SLC6A12: variants seen among roughly 807,000 people sequenced by gnomAD.
The protein encoded by SLC6A12 is solute carrier family 6 member 12.
In SLC6A12, 50 loss-of-function variants were observed where a neutral mutation model predicts 73.3. That is an observed-to-expected ratio of 0.68 (90% CI 0.54 to 0.86). The LOEUF (loss-of-function observed/expected upper bound fraction) is 0.86, where lower values mean the gene tolerates loss of function less well. Among genes scored for constraint, SLC6A12 ranks in the 40% least tolerant of loss-of-function variants. SLC6A12 has a pLI of 0.00. For missense variants in SLC6A12, 648 were observed against 772.8 expected, an observed-to-expected ratio of 0.84 and a Z score of 1.92; for synonymous variants, 304 against 309.2, an observed-to-expected ratio of 0.98 and a Z score of 0.18.
downstream of SLC6A12, among the ~76,000 whole-genome samples, chr12:186,917 C>G (rs1240733752): frequency 6.6e-6 from 1 of 152,168 alleles, no homozygotes; most frequent in Non-Finnish European, 1.5e-5. Context: ...TCTGAGGCAC[C>G]AGGACCCCCA....
In SLC6A12 at chr12:204,637, C is replaced by T; in HGVS notation, c.276G>A (p.Leu92=). ...TGGTGTATTGGCCCAACGCCACCTC[C>T]AGGAAGAACACCGGGATGCCGCAGA... The part of the protein sequence containing the change: ...FFVCGIPVFF[L]EVALGQYTSQ... The change falls in exon 4 of 16, where the codon CTG becomes CTA. Residue 92 remains leucine, a synonymous_variant. Transcript: ENST00000684302. 6.2e-7 allele frequency: 1 copy of T among 1,614,232 alleles called. No homozygotes were observed. Among genetic ancestry groups the T allele is most frequent in the Non-Finnish European group, 8.5e-7 (1 of 1,180,032 alleles).
At position 204,710 on chromosome 12, in the gene SLC6A12, A is replaced by G; in HGVS notation, c.215-12T>C. Reference sequence around the variant, plus strand: ...GATGAAGAAGGCTCCTGCAGAAGAGAGAGAGGCAGGGCTGAGCCACACCCG... The same window carrying G: ...GATGAAGAAGGCTCCTGCAGAAGAGGGAGAGGCAGGGCTGAGCCACACCCG... On this transcript the variant is annotated splice_polypyrimidine_tract_variant and intron_variant, in intron 3 of 15. Transcript: ENST00000684302. 1 of 1,613,816 alleles carries G rather than the reference A, an allele frequency of 6.2e-7. No individual in the cohort carries two copies. The highest frequency in any genetic ancestry group is 1.1e-5 in the South Asian group (1 of 91,066).
downstream of SLC6A12, among the ~76,000 whole-genome samples, chr12:187,809 G>A (rs200123998): frequency 6.6e-6 from 1 of 151,950 alleles, no homozygotes; most frequent in Non-Finnish European, 1.5e-5. Context: ...GTTTTGACAG[G>A]GTTTTGATTG....
chr12:203,488 G>GA (rs1940420508), intron 4 of SLC6A12: 1 of 152,160 alleles, frequency 6.6e-6, no homozygotes, highest in African/African-American at 2.4e-5. Context: ...CGGCGTTGGG[G>GA]CGGCCCGGGC....
At chr12:206,058 C>G (rs1459621220) in intron 3 of SLC6A12, among the ~76,000 whole-genome samples, 1 of 152,102 alleles carries the variant, frequency 6.6e-6, no homozygotes, top group Non-Finnish European at 1.5e-5. Flanking sequence ...CTTTTTTTCT[C>G]TTTGTGTGTG....
intron 4 of SLC6A12, 21 bp from the exon 5 acceptor site, chr12:202,901 T>C (rs368808966): frequency 1.7e-4 from 266 of 1,612,014 alleles, no homozygotes; most frequent in Middle Eastern, 5.0e-4. Flanking sequence ...GGGGGAGAGA[T>C]GGGGAGGGAC....
downstream of SLC6A12, among the ~76,000 whole-genome samples, chr12:187,580 G>C (rs1171573357): frequency 1.2e-5 from 1 of 86,438 alleles, no homozygotes; most frequent in African/African-American, 5.7e-5. Flanking sequence ...AAGATTTACT[G>C]CAAAAGAGCA....
chr12:197,174 C>CATCCATCCATCTATCCATCCATCT (rs1939948363), intron 10 of SLC6A12, among the ~76,000 whole-genome samples: 11 of 12,070 alleles, frequency 9.1e-4, no homozygotes, highest in South Asian at 3.1e-3. Context: ...TCCATCCATC[C>CATCCATCCATCTATCCATCCATCT]ATCCATCCAT....
chr12:190,457 G>A lies in SLC6A12; in HGVS notation c.*611C>T, dbSNP rs1939544100. ...CCCCTTCCATTCCAATGCTCCAGGA[G>A]TTGATGAAACACTGCAAGAACAGTG... On this transcript the variant is annotated 3_prime_UTR_variant, in exon 16 of 16. Coordinates refer to ENST00000684302, the MANE Select transcript of SLC6A12 (RefSeq NM_001122848.3). 1 of 152,270 alleles carries A rather than the reference G, an allele frequency of 6.6e-6. No individual in the cohort carries two copies. Among genetic ancestry groups the A allele is most frequent in the South Asian group, 2.1e-4 (1 of 4,832 alleles). The allele number at this position is 152,270 out of a possible 1,614,324, so 9.4% of individuals were successfully genotyped here.
At chr12:187,888 G>A (rs1024895344), downstream of SLC6A12, among the ~76,000 whole-genome samples, 2 of 152,172 alleles carry the variant, frequency 1.3e-5, no homozygotes, top group Admixed American at 1.3e-4. Context: ...TAGATACAGA[G>A]TGTGGATTGG....
chr12:199,200 C>T (rs1045149279), intron 7 of SLC6A12: 20 of 500,262 alleles, frequency 4.0e-5, no homozygotes, highest in African/African-American at 2.7e-4. Context: ...GCTTCCAGCC[C>T]ATAACCTGTC....
At chr12:191,506 GAAT>G (rs1376847041) in intron 15 of SLC6A12, among the ~76,000 whole-genome samples, 1 of 152,226 alleles carries the variant, frequency 6.6e-6, no homozygotes, top group Non-Finnish European at 1.5e-5. Context: ...TGTAAATTGA[GAAT>G]AATAGTAGAA....
In SLC6A12 at chr12:204,699, C is replaced by T; in HGVS notation, c.215-1G>A. On this transcript the variant is annotated splice_acceptor_variant, in intron 3 of 15. Transcript: ENST00000684302. LOFTEE classifies it high-confidence loss of function. ...ATGAAGTAGGGGATGAAGAAGGCTC[C>T]TGCAGAAGAGAGAGAGGCAGGGCTG... The T allele has an allele frequency of 1.9e-6, 3 of 1,613,976 alleles. No homozygotes were observed. Among genetic ancestry groups the T allele is most frequent in the Non-Finnish European group, 2.5e-6 (3 of 1,179,998 alleles).
At position 209,836 on chromosome 12, in the gene SLC6A12, C is replaced by G. The variant is rs140649589; in HGVS notation, c.151G>C (p.Gly51Arg). Reference sequence around the variant, plus strand: ...ACATTGCCCAGCCCAATGATCTCCCCGGCCACTGACAGCACAAACTCCATC... The same window carrying G: ...ACATTGCCCAGCCCAATGATCTCCCGGGCCACTGACAGCACAAACTCCATC... ...NKMEFVLSVA[G>R]EIIGLGNVWR... The change falls in exon 3 of 16, where the codon GGG becomes CGG. Residue 51 changes from glycine (G) to arginine (R), a missense_variant. Gly to Arg is a moderately radical substitution (Grantham distance 125, BLOSUM62 -2). Coordinates refer to ENST00000684302, the MANE Select transcript of SLC6A12 (RefSeq NM_001122848.3). 6.2e-7 allele frequency: 1 copy of G among 1,614,168 alleles called. No individual in the cohort carries two copies.
At chr12:188,275 C>T (rs1486537923), downstream of SLC6A12, among the ~76,000 whole-genome samples, 1 of 152,208 alleles carries the variant, frequency 6.6e-6, no homozygotes, top group East Asian at 1.9e-4. Context: ...GGGAAGGCAG[C>T]TAAGGCCCAG....
At chr12:196,645 G>T in intron 11 of SLC6A12, 125 bp downstream of exon 11, 1 of 736,384 alleles carries the variant, frequency 1.4e-6, no homozygotes, top group Non-Finnish European at 2.3e-6. Context: ...GAAAAGCCCT[G>T]GACAGCAGAG....
downstream of SLC6A12, among the ~76,000 whole-genome samples, chr12:186,856 T>A (rs1035485782): frequency 1.3e-5 from 2 of 152,040 alleles, no homozygotes; most frequent in African/African-American, 4.8e-5. Context: ...GGGTGTGAGG[T>A]CCACACCGGA....
Position 201,832 on chromosome 12 carries a change from G to A in SLC6A12, c.508C>T (p.Leu170=), listed in dbSNP as rs1242652753. Residue 170 remains leucine (L), a synonymous_variant, in exon 6 of 16, where the codon CTG becomes TTG. Transcript: ENST00000684302. ...FWNTEHCTDF[L]NHSGAGTVTP... is the part of the protein sequence containing the mutation. Reference sequence around the variant, plus strand: ...ACTGTGCCGGCTCCTGAGTGGTTCAGAAAGTCCGTGCAATGCTCTGTTGGG... The same window carrying A: ...ACTGTGCCGGCTCCTGAGTGGTTCAAAAAGTCCGTGCAATGCTCTGTTGGG... 2 of 1,614,064 alleles carry A rather than the reference G, an allele frequency of 1.2e-6. No homozygotes were observed. The highest frequency in any genetic ancestry group is 1.6e-4 in the Middle Eastern group (1 of 6,062).
At position 196,887 on chromosome 12, in the gene SLC6A12, C is replaced by A; in HGVS notation, c.1076-5G>T. On this transcript the variant is annotated splice_polypyrimidine_tract_variant and splice_region_variant and intron_variant, in intron 10 of 15. Transcript: ENST00000684302. Reference sequence around the variant, plus strand: ...CGATGAAGGCCAGCCCAGGACCTGCCAGGTACACAGCACAGTCAGGGAGGC... The same window carrying A: ...CGATGAAGGCCAGCCCAGGACCTGCAAGGTACACAGCACAGTCAGGGAGGC... 6.2e-7 allele frequency: 1 copy of A among 1,608,104 alleles called. No individual in the cohort carries two copies. Among genetic ancestry groups the A allele is most frequent in the Non-Finnish European group, 8.5e-7 (1 of 1,174,942 alleles).
Sources: gnomAD v4.1 joint callset for allele counts (sites outside exome capture counted in the v4.1 genomes callset) on GRCh38, gnomAD v4.1.1 for gene constraint, MANE v1.5 for transcripts, NCBI Gene and HGNC (gene_info 2026-07-23, HGNC 2026-07-21) for gene names.